IFIT3: variants seen among roughly 807,000 people sequenced by gnomAD.
IFIT3 encodes the protein interferon induced protein with tetratricopeptide repeats 3, also known as interferon-induced protein with tetratricopeptide repeats 3.
A neutral mutation model predicts 2.4 loss-of-function variants in IFIT3; 2 were observed. The observed-to-expected ratio is 0.82, with a 90% CI of 0.34 to 2.60. The LOEUF (loss-of-function observed/expected upper bound fraction) is 2.60, where lower values mean the gene tolerates loss of function less well. Among genes scored for constraint, IFIT3 ranks in the 30% most tolerant of loss-of-function variants. IFIT3 has a pLI of 0.11. For synonymous variants in IFIT3, 203 were observed against 212.1 expected, an observed-to-expected ratio of 0.96 and a Z score of 0.37; for missense variants, 481 against 562.4, an observed-to-expected ratio of 0.86 and a Z score of 1.46.
At chr10:89,331,281 TCCC>T (rs1396006475) in intron 1 of IFIT3, among the ~76,000 whole-genome samples, 3 of 152,072 alleles carry the variant, frequency 2.0e-5, no homozygotes, top group African/African-American at 7.2e-5. Context: ...CAAGGGATTC[TCCC>T]ACCCAGCCTC....
Position 89,339,607 on chromosome 10 carries a change from T to C in IFIT3, c.952T>C (p.Ser318Pro), listed in dbSNP as rs1843818225. The C allele has an allele frequency of 6.2e-7, 1 of 1,614,062 alleles. No individual in the cohort carries two copies. The highest frequency in any genetic ancestry group is 1.1e-5 in the South Asian group (1 of 91,092). The change falls in exon 2 of 2, where the codon TCG (serine) becomes CCG (proline). Residue 318 changes from serine to proline, a missense_variant. Transcript: ENST00000371818. ...EALKQYAMDY[S>P]NKALEKGLNP... ...ACTAAAGCAATATGCTATGGACTAT[T>C]CGAATAAAGCTCTTGAGAAGGGACT... is the stretch of plus-strand genomic sequence containing the variant.
At chr10:89,333,287 A>G (rs1843677704) in intron 1 of IFIT3, among the ~76,000 whole-genome samples, 1 of 152,204 alleles carries the variant, frequency 6.6e-6, no homozygotes, top group South Asian at 2.1e-4. Context: ...CTTCTAATAG[A>G]ATGCAAATTT....
At chr10:89,330,945 G>T (rs1303322801) in intron 1 of IFIT3, among the ~76,000 whole-genome samples, 1 of 152,204 alleles carries the variant, frequency 6.6e-6, no homozygotes, top group Non-Finnish European at 1.5e-5. Context: ...ATCTCTGGGA[G>T]TAGGACTGCA....
chr10:89,329,156 C>T (rs996779305), intron 1 of IFIT3, among the ~76,000 whole-genome samples: 1 of 152,118 alleles, frequency 6.6e-6, no homozygotes, highest in Admixed American at 6.6e-5. Flanking sequence ...AGGGAAGACC[C>T]CATCGACCAT....
chr10:89,338,527 C>A, intron 1 of IFIT3, 134 bp from the exon 2 acceptor site: 1 of 813,884 alleles, frequency 1.2e-6, no homozygotes. Flanking sequence ...ACCTCACATA[C>A]ATACCCAGAA....
At chr10:89,338,065 G>T (rs1046500969) in intron 1 of IFIT3, 2 of 152,532 alleles carry the variant, frequency 1.3e-5, no homozygotes, top group Non-Finnish European at 2.9e-5. Flanking sequence ...GCTATGGTAG[G>T]TTAGATGTAT....
chr10:89,339,319 AAAG>A lies in IFIT3; in HGVS notation c.668_670del (p.Glu223del). On this transcript the variant is annotated inframe_deletion, in exon 2 of 2. Transcript: ENST00000371818. ...GGGCCTGAAACTGCAGAAGATGAAT[AAAG>A]AAGCTGAAGGAGAGCAGTTTGTTGA... 6.2e-7 allele frequency: 1 copy of A among 1,613,800 alleles called. No homozygotes were observed. Among genetic ancestry groups the A allele is most frequent in the Non-Finnish European group, 8.5e-7 (1 of 1,179,888 alleles).
chr10:89,336,631 GAGATT>G (rs1589609103), intron 1 of IFIT3, among the ~76,000 whole-genome samples: 1 of 152,202 alleles, frequency 6.6e-6, no homozygotes, highest in East Asian at 1.9e-4. Flanking sequence ...TGTTTATTCT[GAGATT>G]ACTTTTTCAG....
chr10:89,334,464 CTTTTTCTTTTATTCTTTTT>C (rs1843698563), intron 1 of IFIT3, among the ~76,000 whole-genome samples: 1 of 70,256 alleles, frequency 1.4e-5, no homozygotes, highest in Non-Finnish European at 3.1e-5. Context: ...GTTTTTTCTT[CTTTTTCTTTTATTCTTTTT>C]TTTTTTTTTT....
chr10:89,338,157 C>T (rs954951497), intron 1 of IFIT3: 1 of 154,986 alleles, frequency 6.5e-6, no homozygotes, highest in African/African-American at 2.4e-5. Flanking sequence ...CAAGGAACAT[C>T]TATATATAAA....
chr10:89,329,770 C>A (rs1843631882), intron 1 of IFIT3, among the ~76,000 whole-genome samples: 1 of 152,180 alleles, frequency 6.6e-6, no homozygotes, highest in Non-Finnish European at 1.5e-5. Context: ...TTAGTGGTTT[C>A]ATGCAAGTCC....
chr10:89,339,599 T>C lies in IFIT3; in HGVS notation c.944T>C (p.Met315Thr), dbSNP rs760690440. 1.9e-6 allele frequency: 3 copies of C among 1,614,208 alleles called. No individual in the cohort carries two copies. Among genetic ancestry groups the C allele is most frequent in the Middle Eastern group, 1.6e-4 (1 of 6,062 alleles). ...ATTGAAGCACTAAAGCAATATGCTA[T>C]GGACTATTCGAATAAAGCTCTTGAG... ...EMIEALKQYA[M>T]DYSNKALEKG... Residue 315 changes from methionine (M) to threonine (T), a missense_variant, in exon 2 of 2, where the codon ATG becomes ACG. Met to Thr is a moderately conservative substitution (Grantham distance 81). Coordinates refer to ENST00000371818, the MANE Select transcript of IFIT3 (RefSeq NM_001549.6).
intron 1 of IFIT3, among the ~76,000 whole-genome samples, chr10:89,330,689 T>A (rs1190653591): frequency 2.6e-5 from 4 of 152,236 alleles, no homozygotes; most frequent in Non-Finnish European, 5.9e-5. Context: ...TCAAGAAATA[T>A]CCCAGAACTA....
At chr10:89,331,899 C>G (rs1843656319) in intron 1 of IFIT3, among the ~76,000 whole-genome samples, 1 of 149,576 alleles carries the variant, frequency 6.7e-6, no homozygotes, top group South Asian at 2.1e-4. Flanking sequence ...TCAAAAGGGT[C>G]TCTATTTCCA....
Position 89,339,924 on chromosome 10 carries a change from A to C in IFIT3, c.1269A>C (p.Leu423Phe). ...NAPNYWYLQG[L>F]IHKQNGDLLQ... is the part of the protein sequence containing the mutation. ...CAAATTATTGGTATCTTCAAGGATT[A>C]ATTCATAAGCAGAATGGAGATCTGC... The change falls in exon 2 of 2, where the codon TTA becomes TTC. Residue 423 changes from leucine (L) to phenylalanine (F), a missense_variant. Physicochemically the swap from Leu to Phe is conservative, Grantham distance 22. Transcript: ENST00000371818. 1 of 1,614,182 alleles carries C rather than the reference A, an allele frequency of 6.2e-7. No individual in the cohort carries two copies. The highest frequency in any genetic ancestry group is 8.5e-7 in the Non-Finnish European group (1 of 1,180,002).
chr10:89,338,127 G>GA (rs1843775903), intron 1 of IFIT3: 1 of 153,846 alleles, frequency 6.5e-6, no homozygotes, highest in Admixed American at 6.4e-5. Flanking sequence ...GGTTTATCAG[G>GA]ATATAACCCC....
At position 89,332,345 on chromosome 10, in the gene IFIT3, A is replaced by T. The variant is rs145159149; in HGVS notation, c.5+4267A>T. ...TTCTAAAATTTTATTTTCTTTTTACAGTGCCTTTTTACAACTTTCAAACCA... is the reference window on the plus strand; with the variant it reads ...TTCTAAAATTTTATTTTCTTTTTACTGTGCCTTTTTACAACTTTCAAACCA... On this transcript the variant is annotated intron_variant, in intron 1 of 1. Transcript: ENST00000371818. 6.4e-3 allele frequency: 3,889 copies of T among 610,202 alleles called. 19 individuals carry two copies. Among genetic ancestry groups the T allele is most frequent in the Middle Eastern group, 0.032 (95 of 2,974 alleles). 37.8% of individuals were successfully genotyped at this position (610,202 alleles called of 1,614,324 possible). A position where few individuals can be genotyped will look rare whatever the true frequency, so the allele number is the denominator to read the frequency against.
Position 89,340,122 on chromosome 10 carries a change from G to GA in IFIT3, c.1469dup (p.Asn490LysfsTer34). The GA allele has an allele frequency of 6.3e-7, 1 of 1,587,312 alleles. No homozygotes were observed. The highest frequency in any genetic ancestry group is 8.6e-7 in the Non-Finnish European group (1 of 1,165,684). On this transcript the variant is annotated frameshift_variant, in exon 2 of 2. Transcript: ENST00000371818. LOFTEE classifies it high-confidence loss of function. ...AGCTCCTCTCTAACTCAGAGCAACT[G>GA]AACTGAGACAGAGGAGGAAAACAGA...
chr10:89,334,579 T>C (rs1013446704), intron 1 of IFIT3, among the ~76,000 whole-genome samples: 11 of 78,410 alleles, frequency 1.4e-4, no homozygotes, highest in African/African-American at 1.1e-3. Context: ...CACTGCAACC[T>C]CCGCCTTCCG....
Sources: allele counts gnomAD v4.1 joint callset (sites outside exome capture counted in the v4.1 genomes callset), GRCh38; gene constraint gnomAD v4.1.1; transcripts MANE v1.5; gene names NCBI Gene and HGNC (gene_info 2026-07-23, HGNC 2026-07-21).